USP45: variants seen among roughly 807,000 people sequenced by gnomAD.
USP45 encodes ubiquitin carboxyl-terminal hydrolase 45.
USP45 carries 89 observed loss-of-function variants against 95.8 expected under a neutral mutation model. The observed-to-expected ratio is 0.93, with a 90% CI of 0.78 to 1.11. The LOEUF is 1.11. Among genes scored for constraint, USP45 ranks in the 50% least tolerant of loss-of-function variants. USP45 has a pLI of 0.00. For missense variants in USP45, 898 were observed against 942.5 expected, an observed-to-expected ratio of 0.95 and a Z score of 0.62; for synonymous variants, 281 against 316.2, an observed-to-expected ratio of 0.89 and a Z score of 1.18.
chr6:99,439,942 G>T, intron 15 of USP45, 87 bp from the exon 16 acceptor site: 1 of 998,530 alleles, frequency 1.0e-6, no homozygotes, highest in South Asian at 2.0e-5. Context: ...GAAATTGTAG[G>T]ACTTAGTTTT....
At chr6:99,439,636 C>A in intron 16 of USP45, 133 bp downstream of exon 16, 1 of 554,804 alleles carries the variant, frequency 1.8e-6, no homozygotes, top group Non-Finnish European at 2.9e-6. Flanking sequence ...ATATTACTGA[C>A]TTAATCACTG....
chr6:99,494,939 TAAAA>T (rs1248403117), intron 5 of USP45, among the ~76,000 whole-genome samples: 1 of 151,920 alleles, frequency 6.6e-6, no homozygotes, highest in Non-Finnish European at 1.5e-5. Flanking sequence ...ATCATAAACA[TAAAA>T]AAACTCAAAA....
intron 13 of USP45, among the ~76,000 whole-genome samples, chr6:99,454,530 C>A (rs141597135): frequency 1.3e-3 from 199 of 152,248 alleles, no homozygotes; most frequent in African/African-American, 4.4e-3. Flanking sequence ...GAGAAAATAT[C>A]TGCAAACTCT....
rs188619358 is a variant in USP45, at chr6:99,449,114, C to T, written c.1309-2651G>A. ...CAATGCTAGGAAGAAACGGCATCAA[C>T]TAACGAGCAAAATAACCAGCTAACA... On this transcript the variant is annotated intron_variant, in intron 13 of 17. Coordinates refer to ENST00000500704, the MANE Select transcript of USP45 (RefSeq NM_001346022.3). Among the ~76,000 whole-genome samples the T allele has an allele frequency of 2.7e-5, 4 of 146,482 alleles. No individual in the cohort carries two copies. The East Asian group carries it at 8.4e-4, about 31-fold the overall frequency.
At chr6:99,449,201 T>G (rs1325012864) in intron 13 of USP45, among the ~76,000 whole-genome samples, 1 of 152,030 alleles carries the variant, frequency 6.6e-6, no homozygotes, top group African/African-American at 2.4e-5. Context: ...GGCTAAATGC[T>G]CCAATTAAAA....
chr6:99,481,177 G>GC (rs761568343), intron 8 of USP45, among the ~76,000 whole-genome samples: 5 of 152,252 alleles, frequency 3.3e-5, no homozygotes, highest in East Asian at 1.9e-4. Context: ...ATGTACTTCC[G>GC]CAAGTACAGT....
At chr6:99,468,465 G>T in intron 10 of USP45, 72 bp downstream of exon 10, 1 of 1,056,882 alleles carries the variant, frequency 9.5e-7, no homozygotes, top group Non-Finnish European at 1.4e-6. Flanking sequence ...ATAATGTTCA[G>T]TTCTTTTTCC....
At chr6:99,442,969 G>A (rs1329564222) in intron 15 of USP45, among the ~76,000 whole-genome samples, 7 of 152,068 alleles carry the variant, frequency 4.6e-5, no homozygotes, top group Non-Finnish European at 7.4e-5. Flanking sequence ...TGTAATCCCA[G>A]CACTTTGGGA....
At position 99,435,803 on chromosome 6, in the gene USP45, A is replaced by G. The variant is rs1188713100; in HGVS notation, c.2358T>C (p.His786=). The change falls in exon 18 of 18, where the codon CAT becomes CAC. Residue 786 remains histidine (H), a synonymous_variant. Coordinates refer to ENST00000500704, the MANE Select transcript of USP45 (RefSeq NM_001346022.3). ...CCACCTGTAAGTAAGTGTCACTAAC[A>G]TGGACCCACTGGCCTGCTGATTCAT... The part of the protein sequence containing the change: ...ADNESAGQWV[H]VSDTYLQVVP... The G allele has an allele frequency of 4.3e-6, 7 of 1,613,728 alleles. No individual in the cohort carries two copies. Among genetic ancestry groups the G allele is most frequent in the South Asian group, 1.1e-5 (1 of 91,068 alleles).
At chr6:99,473,399 T>C (rs1789940173) in intron 9 of USP45, among the ~76,000 whole-genome samples, 1 of 150,992 alleles carries the variant, frequency 6.6e-6, no homozygotes, top group Non-Finnish European at 1.5e-5. Context: ...AAAAAAAAAT[T>C]AGCCAGGCTT....
intron 1 of USP45, among the ~76,000 whole-genome samples, chr6:99,514,075 C>T (rs751625955): frequency 1.1e-4 from 17 of 152,172 alleles, no homozygotes; most frequent in Non-Finnish European, 2.1e-4. Flanking sequence ...GGCTGAGGAT[C>T]TCCGTGATCT....
chr6:99,513,386 G>A (rs1485914034), intron 1 of USP45, among the ~76,000 whole-genome samples: 1 of 152,050 alleles, frequency 6.6e-6, no homozygotes, highest in Non-Finnish European at 1.5e-5. Context: ...AACTGATCTA[G>A]TCTTTTATAA....
At chr6:99,435,925 TCA>T in intron 17 of USP45, 79 bp from the exon 18 acceptor site, 5 of 1,415,782 alleles carry the variant, frequency 3.5e-6, no homozygotes, top group Non-Finnish European at 2.8e-6. Flanking sequence ...AATAACATAT[TCA>T]TTACAAACTC....
At chr6:99,451,870 A>C (rs1783931482) in intron 13 of USP45, among the ~76,000 whole-genome samples, 1 of 152,244 alleles carries the variant, frequency 6.6e-6, no homozygotes, top group African/African-American at 2.4e-5. Flanking sequence ...CGCAGAAATA[A>C]TACCACACAT....
chr6:99,515,904 A>G (rs975853233), upstream of USP45, among the ~76,000 whole-genome samples: 1 of 150,508 alleles, frequency 6.6e-6, no homozygotes, highest in Admixed American at 6.7e-5. Flanking sequence ...CCTCCCGAGT[A>G]GCTGGGACTA....
intron 9 of USP45, among the ~76,000 whole-genome samples, chr6:99,474,602 T>C (rs1307164312): frequency 1.3e-5 from 2 of 152,168 alleles, no homozygotes; most frequent in Admixed American, 6.5e-5. Context: ...TATTACCATA[T>C]AGATTAAGAA....
chr6:99,447,660 A>G (rs1464495468), intron 13 of USP45, among the ~76,000 whole-genome samples: 2 of 152,172 alleles, frequency 1.3e-5, no homozygotes, highest in Admixed American at 6.5e-5. Flanking sequence ...ACCCCTGCAG[A>G]CTTGAATGTC....
At chr6:99,464,947 A>C in intron 12 of USP45, 133 bp downstream of exon 12, 1 of 945,382 alleles carries the variant, frequency 1.1e-6, no homozygotes, top group East Asian at 2.7e-5. Context: ...AATCAGACTC[A>C]ATTATGAATA....
intron 5 of USP45, among the ~76,000 whole-genome samples, chr6:99,489,704 T>C (rs569923491): frequency 6.6e-6 from 1 of 152,252 alleles, no homozygotes; most frequent in East Asian, 1.9e-4. Context: ...CCTAGCACTT[T>C]GGGAGGCTGA....
Sources: allele counts gnomAD v4.1 joint callset (sites outside exome capture counted in the v4.1 genomes callset), GRCh38; gene constraint gnomAD v4.1.1; transcripts MANE v1.5; gene names NCBI Gene and HGNC (gene_info 2026-07-23, HGNC 2026-07-21).